The following RORA variants were observed in gnomAD, a reference collection of about 807,000 sequenced individuals.
The protein encoded by RORA is RAR related orphan receptor A, also known as nuclear receptor ROR-alpha.
Under a neutral mutation model 69.5 loss-of-function variants are expected in RORA, and 7 were observed. That is an observed-to-expected ratio of 0.10 (90% CI 0.06 to 0.19). The LOEUF is 0.19. Ranked by LOEUF, RORA falls within the 10% of genes least tolerant of loss-of-function variation. RORA has a pLI of 1.00. For synonymous variants in RORA, 261 were observed against 240.8 expected (o/e 1.08, Z -0.78); for missense variants, 457 against 663.0 (o/e 0.69, Z 3.41).
chr15:60,779,303 C>A (rs1166902094), intron 1 of RORA, among the ~76,000 whole-genome samples: 2 of 152,144 alleles, frequency 1.3e-5, no homozygotes, highest in Non-Finnish European at 2.9e-5. Flanking sequence ...TTTTTGCATC[C>A]TCAGTTTTCT....
chr15:60,611,283 G>A (rs2069079103), intron 2 of RORA, among the ~76,000 whole-genome samples: 1 of 151,912 alleles, frequency 6.6e-6, no homozygotes, highest in South Asian at 2.1e-4. Context: ...CTAGACCCTT[G>A]TTTCAATATC....
At chr15:60,718,101 T>C (rs1172407736) in intron 1 of RORA, among the ~76,000 whole-genome samples, 1 of 152,190 alleles carries the variant, frequency 6.6e-6, no homozygotes, top group Non-Finnish European at 1.5e-5. Flanking sequence ...TAAGATTTGG[T>C]GTTCTACGGA....
chr15:61,227,375 C>T (rs35734996), intron 1 of RORA, among the ~76,000 whole-genome samples: 3,152 of 152,288 alleles, frequency 0.021, 55 homozygotes, highest in Non-Finnish European at 0.029. Flanking sequence ...GAGCTAGCGG[C>T]AGGTCCAGGC....
chr15:61,202,959 C>T (rs773354627), intron 1 of RORA, among the ~76,000 whole-genome samples: 10 of 152,094 alleles, frequency 6.6e-5, no homozygotes, highest in Non-Finnish European at 1.3e-4. Flanking sequence ...GATGATTTTA[C>T]AGTCAAAAAT....
At chr15:60,763,206 G>T (rs2140874164) in intron 1 of RORA, among the ~76,000 whole-genome samples, 1 of 151,114 alleles carries the variant, frequency 6.6e-6, no homozygotes, top group South Asian at 2.1e-4. Flanking sequence ...TGCCATTCTG[G>T]GTAGCCGAGA....
chr15:60,800,166 T>C (rs763210254), intron 1 of RORA, among the ~76,000 whole-genome samples: 4 of 152,232 alleles, frequency 2.6e-5, no homozygotes, highest in Admixed American at 6.5e-5. Context: ...AGGGCTTTTT[T>C]TTTCCTTCCT....
chr15:61,035,676 T>C (rs1896423591), intron 1 of RORA, among the ~76,000 whole-genome samples: 2 of 152,180 alleles, frequency 1.3e-5, no homozygotes, highest in Non-Finnish European at 1.5e-5. Context: ...TCACTCACTA[T>C]GAAATGTCAT....
At chr15:61,062,255 G>A (rs776598870) in intron 1 of RORA, among the ~76,000 whole-genome samples, 5 of 152,150 alleles carry the variant, frequency 3.3e-5, no homozygotes, top group Non-Finnish European at 5.9e-5. Flanking sequence ...CTGGGGAGAC[G>A]GCTCTGGGCC....
intron 1 of RORA, among the ~76,000 whole-genome samples, chr15:60,709,704 G>A (rs936474980): frequency 4.6e-5 from 7 of 151,484 alleles, no homozygotes; most frequent in South Asian, 2.1e-4. Flanking sequence ...CTAGTTGCAG[G>A]AAAACAAGCT....
At chr15:60,703,984 A>G (rs1239671779) in intron 1 of RORA, among the ~76,000 whole-genome samples, 2 of 152,116 alleles carry the variant, frequency 1.3e-5, no homozygotes, top group Non-Finnish European at 2.9e-5. Flanking sequence ...TGTCTTTTCC[A>G]TAATTGTTAT....
intron 1 of RORA, among the ~76,000 whole-genome samples, chr15:61,081,351 A>G (rs1386715356): frequency 1.3e-5 from 2 of 152,244 alleles, no homozygotes; most frequent in Non-Finnish European, 2.9e-5. Context: ...AGGGAAATGA[A>G]CTAGATACAG....
At chr15:60,651,042 G>A (rs953314622) in intron 2 of RORA, among the ~76,000 whole-genome samples, 2 of 152,018 alleles carry the variant, frequency 1.3e-5, no homozygotes, top group Non-Finnish European at 2.9e-5. Context: ...ACTCCCTTCC[G>A]TTAACAATGC....
At chr15:60,755,736 T>C (rs2071793551) in intron 1 of RORA, among the ~76,000 whole-genome samples, 1 of 152,196 alleles carries the variant, frequency 6.6e-6, no homozygotes, top group Admixed American at 6.5e-5. Context: ...GGATACATGA[T>C]TGTTCTTCAT....
chr15:60,744,549 C>T (rs2071621232), intron 1 of RORA, among the ~76,000 whole-genome samples: 1 of 152,204 alleles, frequency 6.6e-6, no homozygotes, highest in South Asian at 2.1e-4. Flanking sequence ...GTCACTTACG[C>T]TCCCTGAGTT....
chr15:60,640,300 C>T (rs897096128), intron 2 of RORA, among the ~76,000 whole-genome samples: 6 of 152,152 alleles, frequency 3.9e-5, no homozygotes, highest in African/African-American at 1.4e-4. Flanking sequence ...GTTCTACCTC[C>T]GGAATATATT....
chr15:60,597,099 A>G (rs1206202049), intron 2 of RORA, among the ~76,000 whole-genome samples: 1 of 152,160 alleles, frequency 6.6e-6, no homozygotes, highest in African/African-American at 2.4e-5. Flanking sequence ...TTGCCCATTG[A>G]AAAGATGTTT....
chr15:60,670,048 G>C (rs926865078), intron 2 of RORA, among the ~76,000 whole-genome samples: 2 of 152,086 alleles, frequency 1.3e-5, no homozygotes, highest in African/African-American at 4.8e-5. Flanking sequence ...CTACTTTCCA[G>C]CCTCTGTTCC....
chr15:60,728,214 C>G (rs1356905512), intron 1 of RORA, among the ~76,000 whole-genome samples: 1 of 152,020 alleles, frequency 6.6e-6, no homozygotes, highest in Non-Finnish European at 1.5e-5. Flanking sequence ...ATTTATTTAC[C>G]TTTTTAGAAT....
At chr15:61,207,086 A>G (rs1403609651) in intron 1 of RORA, among the ~76,000 whole-genome samples, 5 of 152,084 alleles carry the variant, frequency 3.3e-5, no homozygotes, top group African/African-American at 1.2e-4. Context: ...GTGTGTGTAT[A>G]TATATATATG....
Sources: allele counts gnomAD v4.1 joint callset (sites outside exome capture counted in the v4.1 genomes callset), GRCh38; gene constraint gnomAD v4.1.1; transcripts MANE v1.5; gene names NCBI Gene and HGNC (gene_info 2026-07-23, HGNC 2026-07-21).